MAGI1: variants seen among roughly 807,000 people sequenced by gnomAD.
The protein encoded by MAGI1 is membrane associated guanylate kinase, WW and PDZ domain containing 1, also known as membrane-associated guanylate kinase, WW and PDZ domain-containing protein 1.
Under a neutral mutation model 139.9 loss-of-function variants are expected in MAGI1, and 58 were observed. The observed-to-expected ratio is 0.41, with a 90% CI of 0.34 to 0.52. The LOEUF is 0.52. Among genes scored for constraint, MAGI1 ranks in the 20% least tolerant of loss-of-function variants. The probability of loss-of-function intolerance (pLI) is 0.12; values close to 1 mark genes in which losing one functional copy is unlikely to be tolerated. For synonymous variants in MAGI1, 812 were observed against 737.9 expected (o/e 1.10, Z -1.63); for missense variants, 1,874 against 1,901.6 (o/e 0.99, Z 0.27).
chr3:65,706,775 G>T (rs2030380165), intron 1 of MAGI1, among the ~76,000 whole-genome samples: 1 of 152,142 alleles, frequency 6.6e-6, no homozygotes, highest in Non-Finnish European at 1.5e-5. Context: ...GGGGGGAACA[G>T]TATGGGATGG....
At chr3:65,788,637 A>G (rs751994074) in intron 1 of MAGI1, among the ~76,000 whole-genome samples, 4 of 152,166 alleles carry the variant, frequency 2.6e-5, no homozygotes, top group South Asian at 2.1e-4. Context: ...ACGGTAGCTC[A>G]CTCTAAATTA....
intron 1 of MAGI1, among the ~76,000 whole-genome samples, chr3:65,818,383 G>A (rs900081159): frequency 6.6e-6 from 1 of 152,170 alleles, no homozygotes; most frequent in African/African-American, 2.4e-5. Flanking sequence ...ACAGCATCTA[G>A]ATTTACAGCT....
chr3:65,375,180 T>C (rs559808186), intron 18 of MAGI1, among the ~76,000 whole-genome samples: 13 of 151,242 alleles, frequency 8.6e-5, no homozygotes, highest in African/African-American at 3.2e-4. Flanking sequence ...TGAAGATTTT[T>C]CTGAAACTTT....
intron 1 of MAGI1, among the ~76,000 whole-genome samples, chr3:65,922,632 A>G (rs933396350): frequency 3.9e-5 from 6 of 152,296 alleles, no homozygotes; most frequent in Non-Finnish European, 5.9e-5. Context: ...ATGAGAGAAT[A>G]CATTTCTGAT....
At chr3:65,616,389 G>A (rs1430814698) in intron 2 of MAGI1, among the ~76,000 whole-genome samples, 1 of 152,188 alleles carries the variant, frequency 6.6e-6, no homozygotes, top group Non-Finnish European at 1.5e-5. Context: ...ACAAACATCT[G>A]TGGTTAAATA....
chr3:65,547,579 G>A (rs1367943046), intron 2 of MAGI1, among the ~76,000 whole-genome samples: 1 of 152,144 alleles, frequency 6.6e-6, no homozygotes, highest in Non-Finnish European at 1.5e-5. Flanking sequence ...CCCACTTTCT[G>A]CAAAGAAGCA....
chr3:65,687,927 C>T (rs756269990), intron 1 of MAGI1: 11 of 686,118 alleles, frequency 1.6e-5, no homozygotes, highest in African/African-American at 3.6e-5. Flanking sequence ...TCGGCATGCC[C>T]GCTGGTTCAA....
intron 12 of MAGI1, among the ~76,000 whole-genome samples, chr3:65,418,428 A>C (rs1296097392): frequency 6.6e-6 from 1 of 152,236 alleles, no homozygotes; most frequent in Non-Finnish European, 1.5e-5. Context: ...AAAGCCTCAA[A>C]TAAATAGAAA....
intron 1 of MAGI1, among the ~76,000 whole-genome samples, chr3:65,710,065 A>T (rs1400385779): frequency 6.6e-6 from 1 of 152,166 alleles, no homozygotes; most frequent in East Asian, 1.9e-4. Flanking sequence ...TCTTTTGTAG[A>T]CTACCTTGTT....
At chr3:65,926,362 T>TCC (rs1269860647) in intron 1 of MAGI1, among the ~76,000 whole-genome samples, 1 of 150,860 alleles carries the variant, frequency 6.6e-6, no homozygotes, top group African/African-American at 2.4e-5. Context: ...TCTCTCTCTC[T>TCC]CTCTCTCCCT....
At chr3:65,565,344 T>A (rs557310968) in intron 2 of MAGI1, among the ~76,000 whole-genome samples, 1 of 152,210 alleles carries the variant, frequency 6.6e-6, no homozygotes, top group Non-Finnish European at 1.5e-5. Flanking sequence ...ACCTAGTATG[T>A]CAATACTAAT....
intron 2 of MAGI1, among the ~76,000 whole-genome samples, chr3:65,545,412 G>C (rs1456732353): frequency 6.6e-6 from 1 of 152,142 alleles, no homozygotes; most frequent in Non-Finnish European, 1.5e-5. Context: ...ACTTCTTCCT[G>C]TATTCTCATG....
intron 12 of MAGI1, among the ~76,000 whole-genome samples, chr3:65,412,846 C>A (rs1945899279): frequency 6.6e-6 from 1 of 152,142 alleles, no homozygotes; most frequent in African/African-American, 2.4e-5. Flanking sequence ...TCCTGACTTC[C>A]CATCACCACA....
At chr3:65,400,582 G>A (rs923425602) in intron 13 of MAGI1, among the ~76,000 whole-genome samples, 3 of 151,980 alleles carry the variant, frequency 2.0e-5, no homozygotes, top group Non-Finnish European at 4.4e-5. Flanking sequence ...CACAGGCACT[G>A]GAGTTCCAGA....
chr3:65,891,108 G>T (rs2060725193), intron 1 of MAGI1, among the ~76,000 whole-genome samples: 1 of 151,792 alleles, frequency 6.6e-6, no homozygotes. Context: ...AGCTACTTGG[G>T]AGGCTGAGGT....
At chr3:65,488,827 G>A (rs1476688579) in intron 3 of MAGI1, among the ~76,000 whole-genome samples, 4 of 151,148 alleles carry the variant, frequency 2.6e-5, no homozygotes, top group East Asian at 2.0e-4. Context: ...GCACGCCACC[G>A]TGCCCAGCTC....
intron 1 of MAGI1, among the ~76,000 whole-genome samples, chr3:66,031,870 C>CA (rs1376056178): frequency 6.6e-6 from 1 of 151,596 alleles, no homozygotes; most frequent in Non-Finnish European, 1.5e-5. Flanking sequence ...CCCACATCAA[C>CA]AAAAAAAATC....
chr3:65,669,959 A>G (rs559908517), intron 1 of MAGI1, among the ~76,000 whole-genome samples: 1 of 152,286 alleles, frequency 6.6e-6, no homozygotes, highest in South Asian at 2.1e-4. Context: ...TTCATCTTCA[A>G]CATCATCTCA....
At chr3:65,955,770 T>C (rs1429920585) in intron 1 of MAGI1, among the ~76,000 whole-genome samples, 2 of 152,142 alleles carry the variant, frequency 1.3e-5, no homozygotes, top group Non-Finnish European at 2.9e-5. Context: ...ATGGATCTTC[T>C]ACAATGCCAC....
Sources: allele counts gnomAD v4.1 joint callset (sites outside exome capture counted in the v4.1 genomes callset), GRCh38; gene constraint gnomAD v4.1.1; transcripts MANE v1.5; gene names NCBI Gene and HGNC (gene_info 2026-07-23, HGNC 2026-07-21).